PCBP3: variants seen among roughly 807,000 people sequenced by gnomAD.
The protein encoded by PCBP3 is poly(rC) binding protein 3.
In PCBP3, 25 loss-of-function variants were observed where a neutral mutation model predicts 52.7. The observed-to-expected ratio is 0.47, with a 90% CI of 0.35 to 0.66. The LOEUF is 0.66. Among genes scored for constraint, PCBP3 ranks in the 30% least tolerant of loss-of-function variants. The probability of loss-of-function intolerance (pLI) is 0.01; values close to 1 mark genes in which losing one functional copy is unlikely to be tolerated. For missense variants in PCBP3, 391 were observed against 490.3 expected (o/e 0.80, Z 1.91); for synonymous variants, 162 against 183.0 (o/e 0.89, Z 0.93).
intron 14 of PCBP3, among the ~76,000 whole-genome samples, chr21:45,930,344 G>A (rs1160212822): frequency 6.6e-6 from 1 of 152,174 alleles, no homozygotes; most frequent in African/African-American, 2.4e-5. Context: ...CGTACCCACT[G>A]GGCCGCCCTG....
chr21:45,646,055 C>G (rs531361615), intron 1 of PCBP3, among the ~76,000 whole-genome samples: 1 of 60,092 alleles, frequency 1.7e-5, no homozygotes, highest in Admixed American at 1.5e-4. Context: ...TCACCTGTTT[C>G]TCTCTCTCTC....
At chr21:45,648,982 G>A (rs1467363358) in intron 1 of PCBP3, among the ~76,000 whole-genome samples, 2 of 152,142 alleles carry the variant, frequency 1.3e-5, no homozygotes, top group African/African-American at 4.8e-5. Context: ...TACAGTTTAT[G>A]GTGATTGAGT....
At position 45,888,907 on chromosome 21, in the gene PCBP3, G is replaced by A. The variant is rs576617814; in HGVS notation, c.11-7301G>A. ...AATCACACATGGACAGTATCTACAT[G>A]GAATGATTGTAAGGTTTGCACATTA... On this transcript the variant is annotated intron_variant, in intron 5 of 17. Transcript: ENST00000681687. Among the ~76,000 whole-genome samples the A allele has an allele frequency of 1.1e-4, 17 of 152,048 alleles. No individual in the cohort carries two copies. In the East Asian group the frequency reaches 3.3e-3, roughly 29 times the overall value.
chr21:45,797,313 T>A (rs1230930604), intron 4 of PCBP3, among the ~76,000 whole-genome samples: 3 of 150,102 alleles, frequency 2.0e-5, no homozygotes, highest in Non-Finnish European at 4.4e-5. Flanking sequence ...GATGGACGAG[T>A]GCATAGGTCC....
chr21:45,681,570 T>C (rs572242591), intron 2 of PCBP3, among the ~76,000 whole-genome samples: 9 of 152,346 alleles, frequency 5.9e-5, no homozygotes, highest in Non-Finnish European at 1.2e-4. Flanking sequence ...CATGGTTTCA[T>C]ATGACTTTTT....
chr21:45,733,364 G>T (rs2085606506), intron 2 of PCBP3, among the ~76,000 whole-genome samples: 1 of 152,100 alleles, frequency 6.6e-6, no homozygotes, highest in Non-Finnish European at 1.5e-5. Flanking sequence ...TCGGCTCACT[G>T]CAAGCTCCAC....
At chr21:45,824,325 C>T (rs1307618106) in intron 4 of PCBP3, among the ~76,000 whole-genome samples, 1 of 152,202 alleles carries the variant, frequency 6.6e-6, no homozygotes, top group African/African-American at 2.4e-5. Context: ...TGTTTTAGAT[C>T]TCATTCCCTT....
chr21:45,793,024 G>C (rs1022351753), intron 4 of PCBP3, among the ~76,000 whole-genome samples: 1 of 152,162 alleles, frequency 6.6e-6, no homozygotes, highest in African/African-American at 2.4e-5. Context: ...CAGTATCCAG[G>C]ATGAGCAAAC....
rs546326457 is a variant in PCBP3 at position 45,889,557 on chromosome 21, G to A, written c.11-6651G>A. On this transcript the variant is annotated intron_variant, in intron 5 of 17. Coordinates refer to ENST00000681687, the MANE Select transcript of PCBP3 (RefSeq NM_001384156.1). ...CTCCCCTCCTCATGGCCAGGGCCAC[G>A]GCCAGCCTCCTCCTCCCTTCTTCTG... is the stretch of plus-strand genomic sequence containing the variant. Among the ~76,000 whole-genome samples, 9 of 152,292 alleles carry A rather than the reference G, an allele frequency of 5.9e-5. No homozygotes were observed. In the South Asian group the frequency reaches 8.3e-4, roughly 14 times the overall value.
At chr21:45,760,676 C>T (rs2088553460) in intron 4 of PCBP3, 1 of 151,880 alleles carries the variant, frequency 6.6e-6, no homozygotes, top group Non-Finnish European at 1.5e-5. Flanking sequence ...CAAAAGAAGG[C>T]AAAAGAGGAT....
chr21:45,780,700 A>G (rs2090573446), intron 4 of PCBP3, among the ~76,000 whole-genome samples: 1 of 152,174 alleles, frequency 6.6e-6, no homozygotes. Flanking sequence ...TGTATTAAGT[A>G]ATATGATCTC....
At chr21:45,855,830 A>G (rs1370268482) in intron 5 of PCBP3, among the ~76,000 whole-genome samples, 2 of 152,236 alleles carry the variant, frequency 1.3e-5, no homozygotes, top group Non-Finnish European at 1.5e-5. Context: ...CTGCCAGGGA[A>G]GTTGCTCGGC....
intron 2 of PCBP3, among the ~76,000 whole-genome samples, chr21:45,729,667 C>T (rs760089150): frequency 6.6e-5 from 10 of 152,026 alleles, no homozygotes; most frequent in Non-Finnish European, 1.5e-4. Context: ...TTCTATTTCT[C>T]ATTCTTGATA....
At position 45,674,354 on chromosome 21, in the gene PCBP3, C is replaced by T. The variant is rs548285667; in HGVS notation, c.-200+5402C>T. On this transcript the variant is annotated intron_variant, in intron 2 of 17. Transcript: ENST00000681687. ...CATATCTTCCAGAGCACTATACTTT[C>T]GTTCCGAGATATAAACTCTATGTCT... Among the ~76,000 whole-genome samples, 17 of 152,298 alleles carry T rather than the reference C, an allele frequency of 1.1e-4. No individual in the cohort carries two copies. In the South Asian group the frequency reaches 2.9e-3, roughly 26 times the overall value.
chr21:45,854,862 G>A (rs1414632725), intron 5 of PCBP3, among the ~76,000 whole-genome samples: 1 of 152,226 alleles, frequency 6.6e-6, no homozygotes, highest in African/African-American at 2.4e-5. Context: ...CCGAGCCTCT[G>A]CCCCGCGGAA....
At position 45,850,038 on chromosome 21, in the gene PCBP3, C is replaced by G. The variant is rs561005803; in HGVS notation, c.-48C>G. ...TTATGATGCTCTGAGTTCAATACGT[C>G]TGAACCTTTGCTGTCTATGGATCTG... is the stretch of plus-strand genomic sequence containing the variant. On this transcript the variant is annotated 5_prime_UTR_variant, in exon 5 of 18. Coordinates refer to ENST00000681687, the MANE Select transcript of PCBP3 (RefSeq NM_001384156.1). 3.3e-6 allele frequency: 5 copies of G among 1,526,606 alleles called. No individual in the cohort carries two copies. In the South Asian group the frequency reaches 6.0e-5, roughly 18 times the overall value. The allele number at this position is 1,526,606 out of a possible 1,614,324, so 94.6% of individuals were successfully genotyped here.
At chr21:45,651,432 T>C (rs1806742118) in intron 1 of PCBP3, among the ~76,000 whole-genome samples, 1 of 152,218 alleles carries the variant, frequency 6.6e-6, no homozygotes, top group African/African-American at 2.4e-5. Context: ...CAAAAGGATA[T>C]TCAGTGTTTT....
chr21:45,880,426 A>G lies in PCBP3; in HGVS notation c.11-15782A>G, dbSNP rs575517059. On this transcript the variant is annotated intron_variant, in intron 5 of 17. Coordinates refer to ENST00000681687, the MANE Select transcript of PCBP3 (RefSeq NM_001384156.1). The surrounding 1 kb of genome is among the most constrained non-coding windows in gnomAD (Gnocchi z 5.4). Reference sequence around the variant, plus strand: ...CAGCAAACCCTCAGTGACTGTCTGAATGAAAAACGCAGGAGTGGGTGGTGT... The same window carrying G: ...CAGCAAACCCTCAGTGACTGTCTGAGTGAAAAACGCAGGAGTGGGTGGTGT... Among the ~76,000 whole-genome samples, 3 of 152,364 alleles carry G rather than the reference A, an allele frequency of 2.0e-5. No individual in the cohort carries two copies. Among genetic ancestry groups the G allele is most frequent in the Admixed American group, 2.0e-4 (3 of 15,312 alleles).
intron 4 of PCBP3, among the ~76,000 whole-genome samples, chr21:45,766,548 G>C (rs959325441): frequency 6.6e-6 from 1 of 152,242 alleles, no homozygotes; most frequent in South Asian, 2.1e-4. Context: ...TCCATTTCCA[G>C]CTTCCGTGGA....
Sources: allele counts gnomAD v4.1 joint callset (sites outside exome capture counted in the v4.1 genomes callset), GRCh38; gene constraint gnomAD v4.1.1; non-coding constraint Gnocchi (gnomAD v3.1); transcripts MANE v1.5; gene names NCBI Gene and HGNC (gene_info 2026-07-23, HGNC 2026-07-21).